Variants in SLCO4C1 observed in about 807,000 individuals in gnomAD.
SLCO4C1 encodes solute carrier organic anion transporter family member 4C1, also known as organic anion transporter M1.
A neutral mutation model predicts 72.1 loss-of-function variants in SLCO4C1; 58 were observed. The observed-to-expected ratio is 0.80, with a 90% confidence interval of 0.65 to 1.00. The LOEUF is 1.00. SLCO4C1 is among the 50% of genes least tolerant of loss of function. SLCO4C1 has a pLI of 0.00. For missense variants in SLCO4C1, 898 were observed against 857.9 expected, an observed-to-expected ratio of 1.05 and a Z score of -0.58; for synonymous variants, 297 against 312.5, an observed-to-expected ratio of 0.95 and a Z score of 0.52.
intron 4 of SLCO4C1, among the ~76,000 whole-genome samples, chr5:102,262,380 C>G (rs1023331943): frequency 6.6e-6 from 1 of 152,068 alleles, no homozygotes; most frequent in Non-Finnish European, 1.5e-5. Context: ...AAATATATAT[C>G]ACAGCAAATC....
At position 102,271,043 on chromosome 5, in the gene SLCO4C1, A is replaced by C. The variant is rs1036092103; in HGVS notation, c.620-237T>G. Reference sequence around the variant, plus strand: ...TCACCTCTGTCACTTAGATGGGGGTAACCACTGTCAACAGTTCTTTTCAGT... The same window carrying C: ...TCACCTCTGTCACTTAGATGGGGGTCACCACTGTCAACAGTTCTTTTCAGT... On this transcript the variant is annotated intron_variant, in intron 2 of 12. Transcript: ENST00000310954. Among the ~76,000 whole-genome samples, 3 of 152,250 alleles carry C rather than the reference A, an allele frequency of 2.0e-5. No homozygotes were observed. In the East Asian group the frequency reaches 5.8e-4, roughly 29 times the overall value.
chr5:102,284,171 C>T (rs1385219549), intron 2 of SLCO4C1, among the ~76,000 whole-genome samples: 1 of 151,452 alleles, frequency 6.6e-6, no homozygotes, highest in Non-Finnish European at 1.5e-5. Context: ...TTTTTTTAGC[C>T]CAAGTTTATG....
rs764288409 is a variant in SLCO4C1, at chr5:102,291,384, T to C, written c.578A>G (p.Gln193Arg). ...CAATTTATATTCTCCACTGAAAAATTGTGGCAATGAGAATACAAGTGCTCC... is the reference window on the plus strand; with the variant it reads ...CAATTTATATTCTCCACTGAAAAATCGTGGCAATGAGAATACAAGTGCTCC... Reference protein sequence around the residue: ...GLGALVFSLPQFFSGEYKLGS... With the variant: ...GLGALVFSLPRFFSGEYKLGS... The change falls in exon 2 of 13, where the codon CAA becomes CGA. Residue 193 changes from glutamine to arginine, a missense_variant. Coordinates refer to ENST00000310954, the MANE Select transcript of SLCO4C1 (RefSeq NM_180991.5). The C allele has an allele frequency of 3.1e-6, 5 of 1,613,940 alleles. No homozygotes were observed. In the Middle Eastern group the frequency reaches 4.9e-4, roughly 160 times the overall value.
chr5:102,237,401 G>C (rs77961745), intron 12 of SLCO4C1, among the ~76,000 whole-genome samples: 38 of 151,778 alleles, frequency 2.5e-4, no homozygotes, highest in African/African-American at 8.5e-4. Flanking sequence ...CCAAGAGTTC[G>C]AGACCAGGCT....
intron 3 of SLCO4C1, among the ~76,000 whole-genome samples, chr5:102,268,573 T>C (rs1436996252): frequency 1.3e-5 from 2 of 152,194 alleles, no homozygotes; most frequent in African/African-American, 4.8e-5. Flanking sequence ...TATTTTTAAT[T>C]AGGGAATTTA....
intron 8 of SLCO4C1, among the ~76,000 whole-genome samples, chr5:102,251,218 A>G (rs2112347961): frequency 6.6e-6 from 1 of 152,296 alleles, no homozygotes; most frequent in Middle Eastern, 3.4e-3. Flanking sequence ...GGTAATCGTT[A>G]AGGTATTTTT....
chr5:102,288,293 G>C (rs1056255890), intron 2 of SLCO4C1, among the ~76,000 whole-genome samples: 6 of 152,054 alleles, frequency 3.9e-5, no homozygotes, highest in African/African-American at 1.4e-4. Context: ...TTCTAATTCT[G>C]TTCTACCTAG....
intron 2 of SLCO4C1, among the ~76,000 whole-genome samples, chr5:102,282,744 T>C (rs1007554654): frequency 1.3e-5 from 2 of 152,044 alleles, no homozygotes; most frequent in African/African-American, 4.8e-5. Context: ...TATGTGAGTG[T>C]GAATGTGTGC....
intron 3 of SLCO4C1, among the ~76,000 whole-genome samples, chr5:102,266,590 C>A (rs1365382429): frequency 6.6e-6 from 1 of 151,888 alleles, no homozygotes; most frequent in Non-Finnish European, 1.5e-5. Context: ...GCAGAGGTTG[C>A]AATGAGCAGA....
chr5:102,271,519 C>G (rs1749152195), intron 2 of SLCO4C1, among the ~76,000 whole-genome samples: 1 of 151,690 alleles, frequency 6.6e-6, no homozygotes, highest in African/African-American at 2.4e-5. Flanking sequence ...ACCACTTTAT[C>G]AAAAAGTCAT....
intron 2 of SLCO4C1, among the ~76,000 whole-genome samples, chr5:102,281,954 T>C (rs1206428803): frequency 1.3e-5 from 2 of 152,136 alleles, no homozygotes; most frequent in African/African-American, 4.8e-5. Flanking sequence ...ATCTGCACAC[T>C]AATGTTTGTA....
chr5:102,238,177 T>C (rs1711569571), intron 12 of SLCO4C1, among the ~76,000 whole-genome samples: 1 of 152,190 alleles, frequency 6.6e-6, no homozygotes, highest in African/African-American at 2.4e-5. Context: ...TTTAAGGTTT[T>C]ATATATTTTG....
At chr5:102,291,201 T>C in intron 2 of SLCO4C1, 142 bp downstream of exon 2, 1 of 839,428 alleles carries the variant, frequency 1.2e-6, no homozygotes, top group Non-Finnish European at 1.9e-6. Context: ...CTCATACAGT[T>C]CACACAATGA....
Position 102,283,370 on chromosome 5 carries a change from G to A in SLCO4C1, c.619+7973C>T, listed in dbSNP as rs187907597. 2.4e-4 allele frequency among the ~76,000 whole-genome samples: 37 copies of A among 152,000 alleles called. 2 individuals carry two copies. Among genetic ancestry groups the A allele is most frequent in the African/African-American group, 8.7e-4 (36 of 41,514 alleles). ...ACTGTAGTTCTATCACAGTGTGTGA[G>A]CAAAAACTTAAACTCACTTATTTCT... On this transcript the variant is annotated intron_variant, in intron 2 of 12. Coordinates refer to ENST00000310954, the MANE Select transcript of SLCO4C1 (RefSeq NM_180991.5).
intron 2 of SLCO4C1, among the ~76,000 whole-genome samples, chr5:102,271,948 G>A (rs983016165): frequency 6.6e-5 from 10 of 152,042 alleles, no homozygotes; most frequent in East Asian, 3.9e-4. Context: ...TTTGCAACTC[G>A]GGTAAATACA....
At chr5:102,280,248 T>C (rs906566556) in intron 2 of SLCO4C1, among the ~76,000 whole-genome samples, 1 of 151,698 alleles carries the variant, frequency 6.6e-6, no homozygotes, top group African/African-American at 2.4e-5. Flanking sequence ...ATTAATTCAG[T>C]AACATTGCAG....
intron 2 of SLCO4C1, among the ~76,000 whole-genome samples, chr5:102,284,973 A>T (rs1464109883): frequency 6.6e-6 from 1 of 152,232 alleles, no homozygotes; most frequent in Non-Finnish European, 1.5e-5. Flanking sequence ...TTTTAAAGGA[A>T]GACATAAAGC....
Position 102,291,489 on chromosome 5 carries a change from A to G in SLCO4C1, c.473T>C (p.Leu158Ser), listed in dbSNP as rs1340680068. The G allele has an allele frequency of 4.3e-6, 7 of 1,614,058 alleles. No homozygotes were observed. Among genetic ancestry groups the G allele is most frequent in the Non-Finnish European group, 5.1e-6 (6 of 1,180,034 alleles). ...ACCAAAGAATGATACAAATAAAGAC[A>G]ACAAACAGAATGAAATATCGTAGCT... ...SSSYDISFCL[L>S]SLFVSFFGER... is the part of the protein sequence containing the mutation. Residue 158 changes from leucine (L) to serine (S), a missense_variant, in exon 2 of 13, where the codon TTG becomes TCG. Physicochemically the swap from Leu to Ser is moderately radical, Grantham distance 145. Transcript: ENST00000310954.
At chr5:102,245,084 T>G (rs767448901) in intron 10 of SLCO4C1, among the ~76,000 whole-genome samples, 5 of 152,088 alleles carry the variant, frequency 3.3e-5, no homozygotes, top group Non-Finnish European at 7.4e-5. Flanking sequence ...CTACAACAAC[T>G]TTTCAAGACA....
Sources: gnomAD v4.1 joint callset for allele counts (sites outside exome capture counted in the v4.1 genomes callset) on GRCh38, gnomAD v4.1.1 for gene constraint, MANE v1.5 for transcripts, NCBI Gene and HGNC (gene_info 2026-07-23, HGNC 2026-07-21) for gene names.